Variants in ASB5 observed in about 807,000 individuals in gnomAD.
The protein encoded by ASB5 is ankyrin repeat and SOCS box protein 5.
ASB5 carries 45 observed loss-of-function variants against 42.1 expected under a neutral mutation model. The observed-to-expected ratio is 1.07, with a 90% CI of 0.84 to 1.37. The LOEUF (loss-of-function observed/expected upper bound fraction) is 1.37. Ranked by LOEUF, ASB5 falls within the 40% of genes most tolerant of loss-of-function variation. ASB5 has a pLI of 0.00. For missense variants in ASB5, 402 were observed against 399.8 expected, an observed-to-expected ratio of 1.01 and a Z score of -0.05; for synonymous variants, 147 against 150.6, an observed-to-expected ratio of 0.98 and a Z score of 0.18.
chr4:176,270,671 T>A (rs1754452455), upstream of ASB5, among the ~76,000 whole-genome samples: 2 of 152,170 alleles, frequency 1.3e-5, no homozygotes, highest in South Asian at 4.1e-4. Flanking sequence ...CATATGTGCT[T>A]TGGGAGTCAG....
At chr4:176,270,630 G>C (rs1005168151), upstream of ASB5, among the ~76,000 whole-genome samples, 1 of 152,156 alleles carries the variant, frequency 6.6e-6, no homozygotes, top group African/African-American at 2.4e-5. Flanking sequence ...TACTGGCTAG[G>C]CAGACATTAA....
chr4:176,259,436 A>G (rs777819222), intron 1 of ASB5, among the ~76,000 whole-genome samples: 6 of 152,234 alleles, frequency 3.9e-5, no homozygotes, highest in Non-Finnish European at 2.9e-5. Flanking sequence ...AAATCTCCTC[A>G]GTGGCTAATC....
upstream of ASB5, among the ~76,000 whole-genome samples, chr4:176,273,146 G>A (rs575937702): frequency 2.0e-5 from 3 of 151,984 alleles, no homozygotes; most frequent in South Asian, 4.2e-4. Context: ...ACATCTAAAG[G>A]CTCTAATTGA....
At chr4:176,229,082 C>T (rs1753454247) in intron 1 of ASB5, among the ~76,000 whole-genome samples, 1 of 152,084 alleles carries the variant, frequency 6.6e-6, no homozygotes, top group African/African-American at 2.4e-5. Flanking sequence ...GTAATCAATG[C>T]CTAAATGTGT....
At chr4:176,224,728 G>A (rs1364265761) in intron 2 of ASB5, among the ~76,000 whole-genome samples, 1 of 151,968 alleles carries the variant, frequency 6.6e-6, no homozygotes, top group African/African-American at 2.4e-5. Flanking sequence ...CCAAGCCAAA[G>A]TGTTTTCTGT....
intron 1 of ASB5, among the ~76,000 whole-genome samples, chr4:176,264,391 G>T (rs1284805416): frequency 6.6e-6 from 1 of 151,054 alleles, no homozygotes; most frequent in Non-Finnish European, 1.5e-5. Flanking sequence ...ATATTAATTT[G>T]CAATAAGACC....
chr4:176,237,486 T>C, intron 1 of ASB5: 4 of 985,856 alleles, frequency 4.1e-6, no homozygotes, highest in Non-Finnish European at 4.8e-6. Context: ...CAAGAAGAAA[T>C]ATCAGCGTCT....
At chr4:176,277,086 C>T (rs1325546615) in intron 1 of ASB5, 1 of 152,152 alleles carries the variant, frequency 6.6e-6, no homozygotes, top group Admixed American at 6.5e-5. Context: ...GTTACAGGCC[C>T]ATTGGAAGGG....
intron 2 of ASB5, 92 bp downstream of exon 2, chr4:176,225,170 A>C: frequency 1.0e-6 from 1 of 962,026 alleles, no homozygotes. Context: ...AGTAAAATGT[A>C]AGTGGTTTTA....
intron 1 of ASB5, among the ~76,000 whole-genome samples, chr4:176,266,793 C>G (rs556074551): frequency 3.3e-4 from 50 of 152,126 alleles, no homozygotes; most frequent in African/African-American, 1.2e-3. Context: ...TTTTATATTT[C>G]CAGGAAAAGT....
rs563973802 is a variant in ASB5, at chr4:176,216,115, C to G, written c.863-388G>C. 2.6e-5 allele frequency among the ~76,000 whole-genome samples: 4 copies of G among 152,088 alleles called. No homozygotes were observed. The South Asian group carries it at 6.2e-4, about 24-fold the overall frequency. ...TAAAAGAAATATTATAGTCCCTGGACTAGGATTAAGAAATCCTATTTTAGA... is the reference window on the plus strand; with the variant it reads ...TAAAAGAAATATTATAGTCCCTGGAGTAGGATTAAGAAATCCTATTTTAGA... On this transcript the variant is annotated intron_variant, in intron 6 of 6. Coordinates refer to ENST00000296525, the MANE Select transcript of ASB5 (RefSeq NM_080874.4).
At chr4:176,271,851 C>T (rs1754473563), upstream of ASB5, among the ~76,000 whole-genome samples, 1 of 152,192 alleles carries the variant, frequency 6.6e-6, no homozygotes, top group East Asian at 1.9e-4. Context: ...AACTAAAATA[C>T]ATGCTCAAGT....
At chr4:176,274,909 A>ATTTTTTTTTT (rs35690692) in intron 2 of ASB5, among the ~76,000 whole-genome samples, 1 of 106,302 alleles carries the variant, frequency 9.4e-6, no homozygotes, top group Non-Finnish European at 1.9e-5. Flanking sequence ...CAGCATAGCA[A>ATTTTTTTTTT]TTTTTTTTTT....
chr4:176,215,786 A>C, intron 6 of ASB5, 59 bp from the exon 7 acceptor site: 1 of 1,509,284 alleles, frequency 6.6e-7, no homozygotes, highest in Non-Finnish European at 9.0e-7. Context: ...TTTATGTTGT[A>C]AGGTACATAA....
intron 1 of ASB5, among the ~76,000 whole-genome samples, chr4:176,239,068 A>G: frequency 6.6e-6 from 1 of 152,186 alleles, no homozygotes; most frequent in East Asian, 1.9e-4. Context: ...AGATATTCCC[A>G]ATGAAACTGA....
intron 1 of ASB5, among the ~76,000 whole-genome samples, chr4:176,249,091 C>T (rs1753967986): frequency 6.6e-6 from 1 of 152,182 alleles, no homozygotes; most frequent in Non-Finnish European, 1.5e-5. Flanking sequence ...CTCAGCCTAC[C>T]GAGTAGCTGG....
In ASB5 at chr4:176,240,916, G is replaced by C. The variant is rs555555708; in HGVS notation, c.197-15575C>G. Among the ~76,000 whole-genome samples the C allele has an allele frequency of 7.9e-4, 120 of 152,182 alleles. 1 individual carries two copies. Among genetic ancestry groups the C allele is most frequent in the African/African-American group, 2.7e-3 (110 of 41,508 alleles). On this transcript the variant is annotated intron_variant, in intron 1 of 6. Transcript: ENST00000296525. ...ATAAATATATTCCTACTTGGATCTGGGTTGGCAGTTTTCCCCATTTTTTAC... is the reference window on the plus strand; with the variant it reads ...ATAAATATATTCCTACTTGGATCTGCGTTGGCAGTTTTCCCCATTTTTTAC...
Position 176,268,912 on chromosome 4 carries a change from C to G in ASB5, c.196+1G>C, listed in dbSNP as rs140022529. 1.2e-6 allele frequency: 2 copies of G among 1,604,490 alleles called. No individual in the cohort carries two copies. The highest frequency in any genetic ancestry group is 1.7e-4 in the Middle Eastern group (1 of 5,916). On this transcript the variant is annotated splice_donor_variant, in intron 1 of 6. Coordinates refer to ENST00000296525, the MANE Select transcript of ASB5 (RefSeq NM_080874.4). LOFTEE classifies it high-confidence loss of function. ...ACAAGAGAGGATTATCATAAACATACCTTGTCCTTGGGTTACTCCATAAAA... is the reference window on the plus strand; with the variant it reads ...ACAAGAGAGGATTATCATAAACATAGCTTGTCCTTGGGTTACTCCATAAAA...
chr4:176,252,261 G>A (rs571965105), intron 1 of ASB5, among the ~76,000 whole-genome samples: 1 of 151,948 alleles, frequency 6.6e-6, no homozygotes, highest in South Asian at 2.1e-4. Context: ...GGACAGTATT[G>A]ATTTTCTGTC....
Sources: gnomAD v4.1 joint callset for allele counts (sites outside exome capture counted in the v4.1 genomes callset) on GRCh38, gnomAD v4.1.1 for gene constraint, MANE v1.5 for transcripts, NCBI Gene and HGNC (gene_info 2026-07-23, HGNC 2026-07-21) for gene names.